Variants in TIPIN observed in about 807,000 individuals in gnomAD.
TIPIN encodes the protein TIMELESS interacting protein.
A neutral mutation model predicts 35.6 loss-of-function variants in TIPIN; 29 were observed. That is an observed-to-expected ratio of 0.82 (90% confidence interval 0.61 to 1.11). The LOEUF is 1.11. Ranked by LOEUF, TIPIN falls within the 50% of genes most tolerant of loss-of-function variation. The pLI, the probability that TIPIN is intolerant of heterozygous loss-of-function variation, is 0.00. For missense variants in TIPIN, 296 were observed against 345.4 expected (o/e 0.86, Z 1.13); for synonymous variants, 102 against 121.5 (o/e 0.84, Z 1.06).
chr15:66,357,286 G>C (rs2093210092), upstream of TIPIN, among the ~76,000 whole-genome samples: 1 of 152,188 alleles, frequency 6.6e-6, no homozygotes, highest in South Asian at 2.1e-4. Flanking sequence ...GAGGAAAAAG[G>C]ACAGAGGCAA....
chr15:66,366,968 G>A (rs1457705605), intron 1 of TIPIN: 1 of 863,052 alleles, frequency 1.2e-6, no homozygotes, highest in Non-Finnish European at 1.4e-6. Flanking sequence ...ATCACTCGAG[G>A]TCAGGAGTTT....
chr15:66,377,218 T>C (rs1406479252), intron 1 of TIPIN, among the ~76,000 whole-genome samples: 1 of 152,088 alleles, frequency 6.6e-6, no homozygotes, highest in African/African-American at 2.4e-5. Flanking sequence ...AGGTGATCTC[T>C]CATAATTTGC....
chr15:66,345,234 A>C (rs1396098730), intron 6 of TIPIN, among the ~76,000 whole-genome samples: 1 of 152,064 alleles, frequency 6.6e-6, no homozygotes, highest in African/African-American at 2.4e-5. Flanking sequence ...TTCCAGGCAG[A>C]GTACGGCAAT....
intron 1 of TIPIN, among the ~76,000 whole-genome samples, chr15:66,362,217 C>T (rs2140479494): frequency 1.3e-5 from 2 of 150,558 alleles, no homozygotes; most frequent in South Asian, 4.2e-4. Flanking sequence ...GCAGGAGAAT[C>T]GCTTGAACCC....
intron 6 of TIPIN, among the ~76,000 whole-genome samples, chr15:66,346,363 C>A (rs1442076864): frequency 6.6e-6 from 1 of 151,508 alleles, no homozygotes; most frequent in African/African-American, 2.4e-5. Context: ...CTCTGCCTGA[C>A]CTCTACTGTT....
chr15:66,374,565 T>G (rs190028144), intron 1 of TIPIN, among the ~76,000 whole-genome samples: 58 of 151,790 alleles, frequency 3.8e-4, no homozygotes, highest in African/African-American at 1.2e-3. Flanking sequence ...CTCGGCTAAT[T>G]TTTTTTGTTT....
At chr15:66,353,558 G>A (rs1185836155) in intron 1 of TIPIN, among the ~76,000 whole-genome samples, 2 of 149,442 alleles carry the variant, frequency 1.3e-5, no homozygotes, top group Admixed American at 6.7e-5. Context: ...GGAGCTTGCA[G>A]TAAGCCAAGA....
At chr15:66,381,310 C>T (rs1002843846) in intron 1 of TIPIN, among the ~76,000 whole-genome samples, 2 of 151,768 alleles carry the variant, frequency 1.3e-5, no homozygotes, top group South Asian at 2.1e-4. Flanking sequence ...TGGTGGCGGG[C>T]GCCTGTAATA....
upstream of TIPIN, among the ~76,000 whole-genome samples, chr15:66,358,909 G>A (rs992985465): frequency 6.6e-5 from 10 of 151,814 alleles, no homozygotes; most frequent in Non-Finnish European, 1.2e-4. Flanking sequence ...CAGGTGTGGT[G>A]GGTGCCTGCC....
intron 4 of TIPIN, among the ~76,000 whole-genome samples, chr15:66,349,946 TTTTTTTTG>T (rs959369742): frequency 1.0e-5 from 1 of 96,910 alleles, no homozygotes; most frequent in African/African-American, 4.0e-5. Context: ...GATACAGGGG[TTTTTTTTG>T]TTTTTTTGGT....
chr15:66,373,132 G>C (rs532979663), intron 1 of TIPIN, among the ~76,000 whole-genome samples: 3 of 152,024 alleles, frequency 2.0e-5, no homozygotes, highest in Non-Finnish European at 4.4e-5. Context: ...TGATGAAATC[G>C]CCTAATGACA....
intron 1 of TIPIN, chr15:66,382,884 G>T: frequency 1.1e-6 from 1 of 883,432 alleles, no homozygotes; most frequent in Non-Finnish European, 1.4e-6. Flanking sequence ...TTGTCTGTAT[G>T]GTCAGCACTT....
intron 1 of TIPIN, among the ~76,000 whole-genome samples, chr15:66,365,742 T>C (rs1357799290): frequency 6.6e-6 from 1 of 152,174 alleles, no homozygotes; most frequent in Non-Finnish European, 1.5e-5. Context: ...AGACGGGGTT[T>C]CACCCTGTTG....
At chr15:66,349,178 G>A in intron 5 of TIPIN, 55 bp from the exon 6 acceptor site, 5 of 1,595,588 alleles carry the variant, frequency 3.1e-6, no homozygotes, top group East Asian at 2.2e-5. Flanking sequence ...ATGTTGGGGG[G>A]AGATAATTTG....
intron 1 of TIPIN, among the ~76,000 whole-genome samples, chr15:66,362,064 G>A (rs1345369163): frequency 6.6e-6 from 1 of 152,094 alleles, no homozygotes; most frequent in Non-Finnish European, 1.5e-5. Flanking sequence ...AGCACTTGGG[G>A]AGGCCAAGGC....
At chr15:66,377,288 T>A (rs2140497386) in intron 1 of TIPIN, among the ~76,000 whole-genome samples, 1 of 152,318 alleles carries the variant, frequency 6.6e-6, no homozygotes, top group Non-Finnish European at 1.5e-5. Flanking sequence ...GTGAACTACC[T>A]ATATTGATGT....
intron 1 of TIPIN, among the ~76,000 whole-genome samples, chr15:66,376,737 G>C (rs992508901): frequency 3.3e-5 from 5 of 151,656 alleles, no homozygotes; most frequent in African/African-American, 1.2e-4. Context: ...CCCCAGGTCT[G>C]ATAATTTCTA....
At chr15:66,379,136 G>C (rs765503946) in intron 1 of TIPIN, 2 of 629,134 alleles carry the variant, frequency 3.2e-6, no homozygotes, top group Non-Finnish European at 5.1e-6. Context: ...CAATTGTCCC[G>C]CCTCTGCCTC....
chr15:66,350,912 G>A, intron 4 of TIPIN, among the ~76,000 whole-genome samples: 1 of 140,104 alleles, frequency 7.1e-6, no homozygotes, highest in East Asian at 2.0e-4. Flanking sequence ...TCCAGCCTGG[G>A]CAACAGAGCA....
Sources: gnomAD v4.1 joint callset for allele counts (sites outside exome capture counted in the v4.1 genomes callset) on GRCh38, gnomAD v4.1.1 for gene constraint, MANE v1.5 for transcripts, NCBI Gene and HGNC (gene_info 2026-07-23, HGNC 2026-07-21) for gene names.